ENOX1: variants seen among roughly 807,000 people sequenced by gnomAD.
ENOX1 encodes the protein candidate growth-related and time keeping constitutive hydroquinone (NADH) oxidase.
In ENOX1, 42 loss-of-function variants were observed where a neutral mutation model predicts 82.5. The observed-to-expected ratio is 0.51, with a 90% confidence interval of 0.40 to 0.66. The LOEUF is 0.66. Among genes scored for constraint, ENOX1 ranks in the 30% least tolerant of loss-of-function variants. The pLI is 0.00. For missense variants in ENOX1, 608 were observed against 811.6 expected (o/e 0.75, Z 3.05); for synonymous variants, 271 against 282.2 (o/e 0.96, Z 0.40).
chr13:43,548,339 T>C (rs1400133750), intron 2 of ENOX1, among the ~76,000 whole-genome samples: 1 of 152,194 alleles, frequency 6.6e-6, no homozygotes, highest in South Asian at 2.1e-4. Flanking sequence ...CCAAATTCAA[T>C]GTGGCTGAAG....
chr13:43,279,597 C>T (rs2045258727), intron 12 of ENOX1, among the ~76,000 whole-genome samples: 2 of 152,186 alleles, frequency 1.3e-5, no homozygotes, highest in African/African-American at 4.8e-5. Flanking sequence ...ACTTTCTTCA[C>T]ATGTTAAATA....
intron 2 of ENOX1, among the ~76,000 whole-genome samples, chr13:43,524,669 G>A (rs2077915080): frequency 6.6e-6 from 1 of 152,094 alleles, no homozygotes; most frequent in East Asian, 1.9e-4. Context: ...CCTCTGCCTG[G>A]AATGCTCTTC....
chr13:43,453,069 C>A (rs2057049983), intron 3 of ENOX1, among the ~76,000 whole-genome samples: 1 of 152,160 alleles, frequency 6.6e-6, no homozygotes. Context: ...CTTGCTATAT[C>A]ATTATTTGTG....
At chr13:43,776,139 T>C (rs1388880313) in intron 1 of ENOX1, among the ~76,000 whole-genome samples, 2 of 152,116 alleles carry the variant, frequency 1.3e-5, no homozygotes, top group Admixed American at 6.5e-5. Context: ...AAAGCCAACA[T>C]ACATTTAGGA....
intron 1 of ENOX1, among the ~76,000 whole-genome samples, chr13:43,728,706 T>C (rs1377730007): frequency 6.6e-6 from 1 of 152,180 alleles, no homozygotes; most frequent in Non-Finnish European, 1.5e-5. Flanking sequence ...GCACTGGGAA[T>C]TTCTAAGAGG....
chr13:43,508,768 CAGTT>C (rs141826963), intron 2 of ENOX1, among the ~76,000 whole-genome samples: 2,835 of 151,970 alleles, frequency 0.019, 97 homozygotes, highest in African/African-American at 0.064. Context: ...CAATATTACA[CAGTT>C]AGAACTAAAA....
intron 5 of ENOX1, among the ~76,000 whole-genome samples, chr13:43,410,052 C>T (rs765800255): frequency 1.4e-4 from 22 of 152,112 alleles, no homozygotes; most frequent in Admixed American, 6.5e-4. Flanking sequence ...TCTTCTATAA[C>T]GCGTAGGGCT....
In ENOX1 at chr13:43,531,880, C is replaced by A. The variant is rs1401234366; in HGVS notation, c.-218-47728G>T. Among the ~76,000 whole-genome samples the A allele has an allele frequency of 4.7e-5, 7 of 147,950 alleles. No homozygotes were observed. In the Admixed American group the frequency reaches 4.8e-4, roughly 10 times the overall value. ...ATAGGTGGGAATTGAACAATGAGAA[C>A]ACACAGACACAAGAAGGGGAACATC... On this transcript the variant is annotated intron_variant, in intron 2 of 16. Transcript: ENST00000690772.
intron 3 of ENOX1, among the ~76,000 whole-genome samples, chr13:43,467,546 T>A (rs1453683380): frequency 6.6e-6 from 1 of 152,100 alleles, no homozygotes; most frequent in Non-Finnish European, 1.5e-5. Flanking sequence ...AATTTCTTTA[T>A]ATATCTGGTA....
At chr13:43,424,039 T>C (rs1406474562) in intron 3 of ENOX1, among the ~76,000 whole-genome samples, 1 of 152,166 alleles carries the variant, frequency 6.6e-6, no homozygotes, top group Non-Finnish European at 1.5e-5. Flanking sequence ...CAGGTGGATG[T>C]CAGGCTTCAA....
chr13:43,765,969 A>G (rs2153836474), intron 1 of ENOX1, among the ~76,000 whole-genome samples: 1 of 152,324 alleles, frequency 6.6e-6, no homozygotes, highest in Non-Finnish European at 1.5e-5. Flanking sequence ...GCAAAAGGAG[A>G]GACTTCATTG....
At chr13:43,678,481 A>T (rs560804535) in intron 1 of ENOX1, among the ~76,000 whole-genome samples, 1 of 152,308 alleles carries the variant, frequency 6.6e-6, no homozygotes, top group East Asian at 1.9e-4. Context: ...TGACTAGATG[A>T]TGGATACATA....
intron 2 of ENOX1, among the ~76,000 whole-genome samples, chr13:43,599,007 C>T (rs963264308): frequency 6.6e-6 from 1 of 152,072 alleles, no homozygotes; most frequent in African/African-American, 2.4e-5. Context: ...CTAGAATGTT[C>T]GTGAGCTTGG....
chr13:43,557,085 C>T (rs1199600367), intron 2 of ENOX1, among the ~76,000 whole-genome samples: 3 of 152,182 alleles, frequency 2.0e-5, no homozygotes, highest in African/African-American at 7.2e-5. Flanking sequence ...TAGGTCAGGA[C>T]ATTAGAGTCC....
intron 2 of ENOX1, among the ~76,000 whole-genome samples, chr13:43,554,363 G>T (rs1302945242): frequency 6.6e-6 from 1 of 152,204 alleles, no homozygotes; most frequent in Non-Finnish European, 1.5e-5. Flanking sequence ...GGAATCCTTT[G>T]CTGCCCTTTA....
At chr13:43,512,934 G>T (rs2077425094) in intron 2 of ENOX1, among the ~76,000 whole-genome samples, 2 of 152,082 alleles carry the variant, frequency 1.3e-5, no homozygotes, top group African/African-American at 4.8e-5. Flanking sequence ...ATGCCAGAGA[G>T]ATAATGATGG....
chr13:43,460,162 G>T (rs1022940556), intron 3 of ENOX1, among the ~76,000 whole-genome samples: 7 of 152,268 alleles, frequency 4.6e-5, no homozygotes, highest in Admixed American at 2.0e-4. Flanking sequence ...CTACATAACA[G>T]AGACAAAAGT....
chr13:43,459,864 C>G (rs965683323), intron 3 of ENOX1, among the ~76,000 whole-genome samples: 6 of 151,994 alleles, frequency 3.9e-5, no homozygotes, highest in African/African-American at 1.4e-4. Flanking sequence ...TGTGGTGGCA[C>G]GCGCCTGTAG....
intron 8 of ENOX1, among the ~76,000 whole-genome samples, chr13:43,351,257 A>G (rs1340074189): frequency 6.6e-6 from 1 of 152,222 alleles, no homozygotes; most frequent in African/African-American, 2.4e-5. Context: ...CTAAACAAAG[A>G]GTTAATGTTC....
Sources: gnomAD v4.1 joint callset for allele counts (sites outside exome capture counted in the v4.1 genomes callset) on GRCh38, gnomAD v4.1.1 for gene constraint, MANE v1.5 for transcripts, NCBI Gene and HGNC (gene_info 2026-07-23, HGNC 2026-07-21) for gene names.